SDK1: variants seen among roughly 807,000 people sequenced by gnomAD.
SDK1 encodes sidekick cell adhesion molecule 1.
Under a neutral mutation model 245.5 loss-of-function variants are expected in SDK1, and 157 were observed. The ratio of observed to expected loss-of-function variants is 0.64; its 90% confidence interval spans 0.56 to 0.73. The LOEUF (loss-of-function observed/expected upper bound fraction) is 0.73. SDK1 is among the 30% of genes least tolerant of loss of function. The pLI is 0.00. For missense variants in SDK1, 3,583 were observed against 3,002.3 expected (o/e 1.19, Z -4.52); for synonymous variants, 1,647 against 1,278.5 (o/e 1.29, Z -6.15).
At chr7:3,899,810 G>A (rs890563426) in intron 5 of SDK1, among the ~76,000 whole-genome samples, 1 of 152,206 alleles carries the variant, frequency 6.6e-6, no homozygotes, top group Non-Finnish European at 1.5e-5. Flanking sequence ...CTCCTCTATA[G>A]GGGGCGTTAC....
At chr7:3,372,802 A>C (rs976401897) in intron 1 of SDK1, among the ~76,000 whole-genome samples, 6 of 152,226 alleles carry the variant, frequency 3.9e-5, no homozygotes, top group Admixed American at 2.0e-4. Flanking sequence ...CTTTACTGGC[A>C]GAATTGCAAA....
chr7:3,773,048 T>C (rs1337632254), intron 4 of SDK1, among the ~76,000 whole-genome samples: 1 of 152,218 alleles, frequency 6.6e-6, no homozygotes, highest in African/African-American at 2.4e-5. Context: ...TACTTAGAGA[T>C]TGTTAAACTT....
intron 5 of SDK1, among the ~76,000 whole-genome samples, chr7:3,907,079 T>A (rs1173184455): frequency 6.6e-6 from 1 of 152,132 alleles, no homozygotes; most frequent in Non-Finnish European, 1.5e-5. Context: ...TATTCTAATA[T>A]GTTGCTAAAA....
chr7:4,095,666 G>C (rs1562802049), intron 22 of SDK1, among the ~76,000 whole-genome samples: 1 of 152,132 alleles, frequency 6.6e-6, no homozygotes, highest in Non-Finnish European at 1.5e-5. Flanking sequence ...TCCACCTCCT[G>C]GGTTCAAGCG....
chr7:3,686,522 A>AC (rs982263621), intron 4 of SDK1, among the ~76,000 whole-genome samples: 4 of 152,236 alleles, frequency 2.6e-5, no homozygotes, highest in Non-Finnish European at 5.9e-5. Flanking sequence ...ACGCATACAT[A>AC]CATTGCCAGT....
chr7:3,953,153 C>T (rs1780966542), intron 7 of SDK1, among the ~76,000 whole-genome samples: 1 of 147,668 alleles, frequency 6.8e-6, no homozygotes, highest in Admixed American at 6.9e-5. Flanking sequence ...TTGCAGTCTG[C>T]CACTTTGCAA....
intron 22 of SDK1, among the ~76,000 whole-genome samples, chr7:4,102,866 G>T (rs1417385774): frequency 2.0e-5 from 3 of 150,096 alleles, no homozygotes; most frequent in African/African-American, 7.4e-5. Context: ...CTGAAGGACC[G>T]CCCCTACCGG....
intron 4 of SDK1, among the ~76,000 whole-genome samples, chr7:3,682,684 C>G (rs1423169334): frequency 6.6e-6 from 1 of 151,634 alleles, no homozygotes; most frequent in African/African-American, 2.4e-5. Context: ...TCTCCTCTCT[C>G]AGAAGGGGGG....
chr7:4,113,327 C>T lies in SDK1; in HGVS notation c.3473C>T (p.Pro1158Leu), dbSNP rs778528795. 5 of 1,613,922 alleles carry T rather than the reference C, an allele frequency of 3.1e-6. No homozygotes were observed. Among genetic ancestry groups the T allele is most frequent in the Non-Finnish European group, 4.2e-6 (5 of 1,180,034 alleles). ...CAAGTGAACATTGTTGGGCCGAGCC[C>T]CTACAGTCCGTCTTCCCGGGTCATC... ...MKQVNIVGPS[P>L]YSPSSRVIQT... is the part of the protein sequence containing the mutation. Residue 1158 changes from proline to leucine, a missense_variant, in exon 24 of 45, where the codon CCC becomes CTC. Transcript: ENST00000404826.
At chr7:4,238,665 C>G (rs995166670) in intron 42 of SDK1, among the ~76,000 whole-genome samples, 2 of 151,758 alleles carry the variant, frequency 1.3e-5, no homozygotes, top group African/African-American at 2.4e-5. Context: ...TCGCCTGCCT[C>G]AGCCTCCCCA....
In SDK1 at chr7:3,718,748, C is replaced by T. The variant is rs367854197; in HGVS notation, c.713+76643C>T. The stretch of plus-strand genomic sequence containing the variant: ...AAGTTGGGAACCAGGCAAGAATGAC[C>T]GCTCTCCCACTCTTAACAGAGTACC... On this transcript the variant is annotated intron_variant, in intron 4 of 44. Transcript: ENST00000404826. Among the ~76,000 whole-genome samples, 157 of 149,932 alleles carry T rather than the reference C, an allele frequency of 1.0e-3. 1 individual carries two copies. In the East Asian group the frequency reaches 0.017, roughly 16 times the overall value.
chr7:3,639,835 A>G (rs1005135756), intron 3 of SDK1, among the ~76,000 whole-genome samples: 14 of 150,690 alleles, frequency 9.3e-5, no homozygotes, highest in African/African-American at 3.5e-4. Flanking sequence ...TATATGTCAT[A>G]TATATGTTAT....
rs551213718 is a variant in SDK1 at position 4,026,793 on chromosome 7, C to G, written c.2602+9441C>G. Among the ~76,000 whole-genome samples, 1 of 151,220 alleles carries G rather than the reference C, an allele frequency of 6.6e-6. No individual in the cohort carries two copies. Among genetic ancestry groups the G allele is most frequent in the Admixed American group, 6.5e-5 (1 of 15,276 alleles). On this transcript the variant is annotated intron_variant, in intron 17 of 44. Transcript: ENST00000404826. This position sits in a 1 kb window ranked among gnomAD's most constrained non-coding sequence, Gnocchi z 4.1. ...GCGAGAACTCAGCCGTGGCCCATAA[C>G]AATCTGGAATTAACGATAACACCCG...
At chr7:3,812,963 T>A (rs1177275199) in intron 4 of SDK1, among the ~76,000 whole-genome samples, 1 of 152,194 alleles carries the variant, frequency 6.6e-6, no homozygotes, top group Non-Finnish European at 1.5e-5. Flanking sequence ...TTTAAGATGT[T>A]TTTCTTACAC....
chr7:3,488,770 A>T (rs575889575), intron 1 of SDK1, among the ~76,000 whole-genome samples: 6 of 152,202 alleles, frequency 3.9e-5, no homozygotes, highest in African/African-American at 1.4e-4. Flanking sequence ...CCTACATTCA[A>T]TTCTTCCCTA....
chr7:4,068,039 C>A (rs1170878281), intron 20 of SDK1, 103 bp downstream of exon 20: 9 of 777,928 alleles, frequency 1.2e-5, no homozygotes, highest in Non-Finnish European at 1.9e-5. Context: ...GACCCGTGCC[C>A]ATGGCCTTCT....
intron 32 of SDK1, among the ~76,000 whole-genome samples, chr7:4,167,990 G>T (rs1781599228): frequency 6.6e-6 from 1 of 152,216 alleles, no homozygotes; most frequent in South Asian, 2.1e-4. Flanking sequence ...CACCTCCGGA[G>T]TTGGAGAGCC....
intron 41 of SDK1, among the ~76,000 whole-genome samples, 153 bp downstream of exon 41, chr7:4,233,572 T>C (rs953160962): frequency 2.0e-5 from 3 of 148,932 alleles, no homozygotes; most frequent in South Asian, 2.2e-4. Flanking sequence ...TCCTGAAGGA[T>C]GGGAGGGAGA....
intron 5 of SDK1, among the ~76,000 whole-genome samples, chr7:3,838,670 C>T (rs1163396925): frequency 6.6e-6 from 1 of 152,200 alleles, no homozygotes; most frequent in East Asian, 1.9e-4. Flanking sequence ...TCCCTGAACA[C>T]AGCGATCTGA....
Sources: allele counts gnomAD v4.1 joint callset (sites outside exome capture counted in the v4.1 genomes callset), GRCh38; gene constraint gnomAD v4.1.1; non-coding constraint Gnocchi (gnomAD v3.1); transcripts MANE v1.5; gene names NCBI Gene and HGNC (gene_info 2026-07-23, HGNC 2026-07-21).